NCKAP1: variants seen among roughly 807,000 people sequenced by gnomAD.
The protein encoded by NCKAP1 is nck-associated protein 1.
Under a neutral mutation model 151.2 loss-of-function variants are expected in NCKAP1, and 21 were observed. The ratio of observed to expected loss-of-function variants is 0.14; its 90% CI spans 0.10 to 0.20. The LOEUF (loss-of-function observed/expected upper bound fraction) is 0.20, where lower values mean the gene tolerates loss of function less well. Among genes scored for constraint, NCKAP1 ranks in the 10% least tolerant of loss-of-function variants. The probability of loss-of-function intolerance (pLI) is 1.00; values close to 1 mark genes in which losing one functional copy is unlikely to be tolerated. For synonymous variants in NCKAP1, 484 were observed against 451.8 expected (o/e 1.07, Z -0.90); for missense variants, 933 against 1,352.1 (o/e 0.69, Z 4.86).
intron 24 of NCKAP1, among the ~76,000 whole-genome samples, chr2:182,936,899 G>A (rs899408845): frequency 6.6e-5 from 10 of 151,884 alleles, no homozygotes; most frequent in African/African-American, 2.4e-4. Context: ...TGGATCACTT[G>A]AGGTCAGGAG....
At chr2:182,989,539 T>C (rs1698125538) in intron 8 of NCKAP1, among the ~76,000 whole-genome samples, 1 of 152,180 alleles carries the variant, frequency 6.6e-6, no homozygotes, top group Admixed American at 6.5e-5. Context: ...GTTGTTATAA[T>C]AACTTAAAAA....
intron 15 of NCKAP1, among the ~76,000 whole-genome samples, chr2:182,969,615 G>A (rs947062639): frequency 1.3e-5 from 2 of 151,362 alleles, no homozygotes; most frequent in East Asian, 1.9e-4. Context: ...ACAGAAACAC[G>A]ATATACCAAA....
Position 182,922,704 on chromosome 2 carries a change from T to C in NCKAP1, c.*2998A>G, listed in dbSNP as rs1365655973. On this transcript the variant is annotated 3_prime_UTR_variant, in exon 31 of 31. Transcript: ENST00000361354. ...CCTCCCCACATTATCCTGTATACTT[T>C]CCAGTCACCATCAGAAGTTTGCTCA... 2 of 152,412 alleles carry C rather than the reference T, an allele frequency of 1.3e-5. No individual in the cohort carries two copies. The highest frequency in any genetic ancestry group is 2.9e-5 in the Non-Finnish European group (2 of 68,228). 9.4% of individuals were successfully genotyped at this position (152,412 alleles called of 1,614,324 possible).
chr2:182,931,149 T>C (rs1035449649), intron 26 of NCKAP1, among the ~76,000 whole-genome samples: 1 of 152,156 alleles, frequency 6.6e-6, no homozygotes, highest in Non-Finnish European at 1.5e-5. Context: ...CCTGTGTTTA[T>C]CTCCATAGTG....
chr2:182,986,721 C>T (rs1575048927), intron 9 of NCKAP1, among the ~76,000 whole-genome samples: 1 of 152,040 alleles, frequency 6.6e-6, no homozygotes. Flanking sequence ...GGCAGAAAAG[C>T]ATTTGCCGAC....
At chr2:182,961,437 G>T (rs1697449434) in intron 18 of NCKAP1, among the ~76,000 whole-genome samples, 1 of 152,130 alleles carries the variant, frequency 6.6e-6, no homozygotes, top group Admixed American at 6.5e-5. Context: ...TAGGGACATG[G>T]GTGAAGCTGG....
intron 22 of NCKAP1, 112 bp from the exon 23 acceptor site, chr2:182,952,614 A>G: frequency 6.3e-6 from 7 of 1,110,360 alleles, no homozygotes; most frequent in East Asian, 5.1e-5. Context: ...AATCCTGATA[A>G]AAGTCTCTAG....
chr2:182,965,277 G>GAAA (rs71008252), intron 16 of NCKAP1, among the ~76,000 whole-genome samples: 3 of 147,788 alleles, frequency 2.0e-5, no homozygotes, highest in South Asian at 2.1e-4. Flanking sequence ...GAACCACTAA[G>GAAA]AAAAAAAAAA....
chr2:182,976,825 A>T, intron 15 of NCKAP1, 68 bp downstream of exon 15: 1 of 940,334 alleles, frequency 1.1e-6, no homozygotes, highest in Non-Finnish European at 1.5e-6. Context: ...AATATTTTAT[A>T]GTTGTTATAA....
chr2:182,971,086 G>A (rs1697677174), intron 15 of NCKAP1, among the ~76,000 whole-genome samples: 1 of 152,092 alleles, frequency 6.6e-6, no homozygotes, highest in Admixed American at 6.5e-5. Flanking sequence ...GGAAACTGAA[G>A]AAGACACAAA....
rs2105874815 is a variant in NCKAP1 at position 183,001,692 on chromosome 2, T to A, written c.603+261A>T. 1.3e-5 allele frequency among the ~76,000 whole-genome samples: 2 copies of A among 152,264 alleles called. 1 individual carries two copies. Among genetic ancestry groups the A allele is most frequent in the South Asian group, 4.1e-4 (2 of 4,826 alleles). ...TGAGAACAGACCCTCTCAAATACCA[T>A]ATGGTAAATCCTATTGTTTAGTGCT... On this transcript the variant is annotated intron_variant, in intron 6 of 30. Transcript: ENST00000361354.
chr2:183,021,275 T>C (rs1273991996), intron 2 of NCKAP1, among the ~76,000 whole-genome samples: 1 of 152,146 alleles, frequency 6.6e-6, no homozygotes, highest in African/African-American at 2.4e-5. Context: ...AAATGTGGTA[T>C]ATCCACACAA....
intron 9 of NCKAP1, among the ~76,000 whole-genome samples, chr2:182,988,607 A>G (rs1342725721): frequency 1.3e-5 from 2 of 152,186 alleles, no homozygotes; most frequent in African/African-American, 4.8e-5. Context: ...CAGTGATATG[A>G]ATTCTGTAAT....
rs1696480848 is a variant in NCKAP1 at position 182,917,178 on chromosome 2, C to T, written c.*8524G>A. ...AAGTAGATATTATCCACATTCTACA[C>T]TTAGGGAAACAAACTTGGAGAAGTT... is the stretch of plus-strand genomic sequence containing the variant. On this transcript the variant is annotated 3_prime_UTR_variant, in exon 31 of 31. Coordinates refer to ENST00000361354, the MANE Select transcript of NCKAP1 (RefSeq NM_013436.5). 1 of 152,134 alleles carries T rather than the reference C, an allele frequency of 6.6e-6. No homozygotes were observed. The highest frequency in any genetic ancestry group is 2.4e-5 in the African/African-American group (1 of 41,438). 9.4% of individuals were successfully genotyped at this position (152,134 alleles called of 1,614,324 possible). A position where few individuals can be genotyped will look rare whatever the true frequency, so the allele number is the denominator to read the frequency against.
At chr2:183,033,950 A>G (rs1040653932) in intron 1 of NCKAP1, among the ~76,000 whole-genome samples, 4 of 152,222 alleles carry the variant, frequency 2.6e-5, no homozygotes, top group Non-Finnish European at 4.4e-5. Flanking sequence ...AAAGTTACTT[A>G]ACAATTCCAT....
intron 12 of NCKAP1, among the ~76,000 whole-genome samples, chr2:182,982,534 C>T (rs1351072701): frequency 6.6e-6 from 1 of 152,146 alleles, no homozygotes; most frequent in Non-Finnish European, 1.5e-5. Flanking sequence ...TCTCATGATG[C>T]TGCCGTAGTT....
chr2:182,912,455 A>G lies in NCKAP1; in HGVS notation c.*13247T>C, dbSNP rs558045415. 6.6e-6 allele frequency: 1 copy of G among 152,354 alleles called. No individual in the cohort carries two copies. The highest frequency in any genetic ancestry group is 2.1e-4 in the South Asian group (1 of 4,826). 9.4% of individuals were successfully genotyped at this position (152,354 alleles called of 1,614,324 possible). ...TACAAGTGCCATCTTTTAGCACATT[A>G]TAATAATCCTGTTGTGCAGTACTCC... On this transcript the variant is annotated 3_prime_UTR_variant, in exon 31 of 31. Coordinates refer to ENST00000361354, the MANE Select transcript of NCKAP1 (RefSeq NM_013436.5).
At chr2:182,934,672 T>A (rs1696836608) in intron 26 of NCKAP1, 80 bp downstream of exon 26, 3 of 754,910 alleles carry the variant, frequency 4.0e-6, no homozygotes, top group Non-Finnish European at 6.6e-6. Flanking sequence ...TAGTTTAGGA[T>A]TTATTACATT....
Position 182,930,808 on chromosome 2 carries a change from T to C in NCKAP1, c.2860-20A>G, listed in dbSNP as rs370848704. On this transcript the variant is annotated intron_variant, in intron 26 of 30. Coordinates refer to ENST00000361354, the MANE Select transcript of NCKAP1 (RefSeq NM_013436.5). ...TGCAACCTGATAAAAACAAAAGAAT[T>C]ACAGAGCAATAAATAGTCTAACAAA... The C allele has an allele frequency of 7.6e-6, 12 of 1,585,622 alleles. No homozygotes were observed. The highest frequency in any genetic ancestry group is 1.0e-5 in the Non-Finnish European group (12 of 1,155,022).
Sources: gnomAD v4.1 joint callset for allele counts (sites outside exome capture counted in the v4.1 genomes callset) on GRCh38, gnomAD v4.1.1 for gene constraint, MANE v1.5 for transcripts, NCBI Gene and HGNC (gene_info 2026-07-23, HGNC 2026-07-21) for gene names.